The following LRRC28 variants were observed in gnomAD, a reference collection of about 807,000 sequenced individuals.
LRRC28 encodes leucine-rich repeat-containing protein 28.
In LRRC28, 39 loss-of-function variants were observed where a neutral mutation model predicts 45.7. The ratio of observed to expected loss-of-function variants is 0.85; its 90% confidence interval spans 0.66 to 1.12. LRRC28 has a LOEUF of 1.12. Ranked by LOEUF, LRRC28 falls within the 50% of genes most tolerant of loss-of-function variation. The probability of loss-of-function intolerance (pLI) is 0.00; values close to 1 mark genes in which losing one functional copy is unlikely to be tolerated. For missense variants in LRRC28, 435 were observed against 438.5 expected, an observed-to-expected ratio of 0.99 and a Z score of 0.07; for synonymous variants, 206 against 178.8, an observed-to-expected ratio of 1.15 and a Z score of -1.22.
chr15:99,377,498 T>C (rs1957676568), intron 9 of LRRC28, among the ~76,000 whole-genome samples: 1 of 152,354 alleles, frequency 6.6e-6, no homozygotes, highest in South Asian at 2.1e-4. Flanking sequence ...AGGTTGCCTG[T>C]TCACTCTGAT....
intron 3 of LRRC28, chr15:99,284,612 G>A (rs1170688733): frequency 8.0e-6 from 4 of 502,886 alleles, no homozygotes; most frequent in Non-Finnish European, 1.6e-5. Flanking sequence ...TTTGTTTCCT[G>A]GCAGTAATTA....
At chr15:99,268,919 ATAACT>A (rs2081401399) in intron 2 of LRRC28, among the ~76,000 whole-genome samples, 1 of 152,246 alleles carries the variant, frequency 6.6e-6, no homozygotes, top group South Asian at 2.1e-4. Context: ...CGACATTTAC[ATAACT>A]TAAAGTTTTA....
chr15:99,260,488 T>C (rs2081164649), intron 2 of LRRC28, among the ~76,000 whole-genome samples: 1 of 152,246 alleles, frequency 6.6e-6, no homozygotes, highest in Non-Finnish European at 1.5e-5. Context: ...TGTTTTCTCT[T>C]AGCTGCGATA....
At chr15:99,333,472 A>G in intron 5 of LRRC28, 1 of 167,948 alleles carries the variant, frequency 6.0e-6, no homozygotes, top group South Asian at 1.6e-4. Context: ...TTTAGCTCAT[A>G]TGAACAAGTT....
intron 6 of LRRC28, among the ~76,000 whole-genome samples, chr15:99,345,417 T>C (rs914027790): frequency 3.9e-5 from 6 of 152,238 alleles, no homozygotes; most frequent in Non-Finnish European, 7.3e-5. Context: ...TATTTGTGGC[T>C]ATAGGACTTG....
chr15:99,260,034 C>A (rs180927587), intron 2 of LRRC28: 3 of 568,252 alleles, frequency 5.3e-6, no homozygotes, highest in Non-Finnish European at 9.9e-6. Context: ...ATACTCTCAT[C>A]GTTTGGATCC....
At chr15:99,252,278 G>A (rs1375685589) in intron 1 of LRRC28, among the ~76,000 whole-genome samples, 1 of 152,214 alleles carries the variant, frequency 6.6e-6, no homozygotes, top group Non-Finnish European at 1.5e-5. Context: ...TATGGCCCGT[G>A]AATGCATACT....
intron 3 of LRRC28, among the ~76,000 whole-genome samples, chr15:99,279,414 C>T (rs1157163598): frequency 2.0e-5 from 3 of 152,154 alleles, no homozygotes; most frequent in Non-Finnish European, 2.9e-5. Flanking sequence ...AAACAATTGC[C>T]TGTAATTTGT....
intron 9 of LRRC28, among the ~76,000 whole-genome samples, chr15:99,369,445 G>A (rs1391369298): frequency 6.6e-6 from 1 of 152,178 alleles, no homozygotes; most frequent in Non-Finnish European, 1.5e-5. Context: ...GTTCAGAACT[G>A]GGGCAGACTG....
chr15:99,298,472 T>C (rs1401545089), intron 5 of LRRC28, among the ~76,000 whole-genome samples: 2 of 152,186 alleles, frequency 1.3e-5, no homozygotes, highest in Admixed American at 1.3e-4. Context: ...ATGCTCTCTC[T>C]CAAATACAGA....
chr15:99,263,154 C>T (rs1190893420), intron 2 of LRRC28, among the ~76,000 whole-genome samples: 1 of 133,918 alleles, frequency 7.5e-6, no homozygotes, highest in Non-Finnish European at 1.6e-5. Context: ...ATAAAAAATA[C>T]AAAAAAAAAA....
chr15:99,360,123 C>G (rs542600796), intron 7 of LRRC28, among the ~76,000 whole-genome samples: 1 of 152,184 alleles, frequency 6.6e-6, no homozygotes, highest in Admixed American at 6.5e-5. Flanking sequence ...CATCTAACTT[C>G]AGCTAATATT....
chr15:99,336,549 T>C (rs1404926913), intron 6 of LRRC28, among the ~76,000 whole-genome samples: 1 of 152,196 alleles, frequency 6.6e-6, no homozygotes, highest in African/African-American at 2.4e-5. Context: ...ATACTCCTAT[T>C]GACACTCTCG....
intron 9 of LRRC28, among the ~76,000 whole-genome samples, chr15:99,374,701 G>A (rs1016539347): frequency 6.6e-5 from 10 of 151,116 alleles, no homozygotes; most frequent in African/African-American, 2.4e-4. Context: ...TTGAGATGGA[G>A]TCTTACTCTG....
rs942926884 is a variant in LRRC28, at chr15:99,257,894, TATC to T, written c.168+1774_168+1776del. 2.0e-4 allele frequency: 157 copies of T among 772,776 alleles called. No homozygotes were observed. The African/African-American group carries it at 2.5e-3, about 12-fold the overall frequency. The allele number at this position is 772,776 out of a possible 1,614,324, so 47.9% of individuals were successfully genotyped here. A position where few individuals can be genotyped will look rare whatever the true frequency, so the allele number is the denominator to read the frequency against. ...CTGAAGTTAACAGAATGATGAAACT[TATC>T]ATCAATTCATTGTATGAAAATAAAG... On this transcript the variant is annotated intron_variant, in intron 2 of 9. Coordinates refer to ENST00000301981, the MANE Select transcript of LRRC28 (RefSeq NM_144598.5).
intron 2 of LRRC28, among the ~76,000 whole-genome samples, chr15:99,265,767 C>G (rs2081316352): frequency 1.3e-5 from 2 of 152,144 alleles, no homozygotes; most frequent in African/African-American, 4.8e-5. Flanking sequence ...GATCAAAGTC[C>G]TATGGCTTAA....
At chr15:99,354,158 C>T (rs1011952198) in intron 7 of LRRC28, among the ~76,000 whole-genome samples, 1 of 152,148 alleles carries the variant, frequency 6.6e-6, no homozygotes, top group African/African-American at 2.4e-5. Flanking sequence ...CATTTTTAGC[C>T]TGTTGGTTTA....
intron 8 of LRRC28, 109 bp from the exon 9 acceptor site, chr15:99,362,997 G>A (rs1165289204): frequency 1.2e-5 from 14 of 1,191,718 alleles, no homozygotes; most frequent in Non-Finnish European, 1.6e-5. Context: ...TTTTCAACAT[G>A]AAGTACTTTT....
intron 5 of LRRC28, among the ~76,000 whole-genome samples, chr15:99,290,950 G>A (rs1400499425): frequency 6.6e-6 from 1 of 152,066 alleles, no homozygotes; most frequent in Admixed American, 6.6e-5. Flanking sequence ...CCTGGACAGC[G>A]GAGTGAGACT....
Sources: gnomAD v4.1 joint callset for allele counts (sites outside exome capture counted in the v4.1 genomes callset) on GRCh38, gnomAD v4.1.1 for gene constraint, MANE v1.5 for transcripts, NCBI Gene and HGNC (gene_info 2026-07-23, HGNC 2026-07-21) for gene names.